PGS1: variants seen among roughly 807,000 people sequenced by gnomAD.
PGS1 encodes CDP-diacylglycerol--glycerol-3-phosphate 3-phosphatidyltransferase, mitochondrial.
PGS1 carries 44 observed loss-of-function variants against 58.3 expected under a neutral mutation model. That is an observed-to-expected ratio of 0.75 (90% CI 0.59 to 0.97). The LOEUF (loss-of-function observed/expected upper bound fraction) is 0.97, where lower values mean the gene tolerates loss of function less well. Ranked by LOEUF, PGS1 falls within the 50% of genes least tolerant of loss-of-function variation. PGS1 has a pLI of 0.00. For synonymous variants in PGS1, 330 were observed against 311.0 expected, an observed-to-expected ratio of 1.06 and a Z score of -0.64; for missense variants, 684 against 731.1, an observed-to-expected ratio of 0.94 and a Z score of 0.74.
Position 78,378,703 on chromosome 17 carries a change from T to A in PGS1, c.38T>A (p.Phe13Tyr). 3.3e-6 allele frequency: 5 copies of A among 1,523,512 alleles called. No individual in the cohort carries two copies. The highest frequency in any genetic ancestry group is 4.4e-6 in the Non-Finnish European group (5 of 1,142,038). 94.4% of individuals were successfully genotyped at this position (1,523,512 alleles called of 1,614,324 possible). A position where few individuals can be genotyped will look rare whatever the true frequency, so the allele number is the denominator to read the frequency against. ...GCGGCAGCTGCGGCGGGACCCGTGT[T>A]CTGGAGGCGACTGCTGGGCCTCCTG... ...VAAAAAAGPV[F>Y]WRRLLGLLPG... Residue 13 changes from phenylalanine (F) to tyrosine (Y), a missense_variant, in exon 1 of 10, where the codon TTC (phenylalanine) becomes TAC (tyrosine). Phe to Tyr is a conservative substitution (Grantham distance 22). Transcript: ENST00000262764.
At chr17:78,421,115 A>C (rs976548178) in intron 9 of PGS1, 7 of 152,210 alleles carry the variant, frequency 4.6e-5, no homozygotes, top group Non-Finnish European at 1.0e-4. Flanking sequence ...GGATCTACTT[A>C]AAACATTTTT....
intron 1 of PGS1, among the ~76,000 whole-genome samples, chr17:78,388,499 AATTTTTTTTTTTT>A (rs1408648657): frequency 7.0e-6 from 1 of 143,202 alleles, no homozygotes; most frequent in African/African-American, 2.8e-5. Context: ...ACGCCTGGCT[AATTTTTTTTTTTT>A]ATTTTTTATT....
At position 78,399,503 on chromosome 17, in the gene PGS1, G is replaced by A. The variant is rs1447259285; in HGVS notation, c.667G>A (p.Val223Met). ...GACCATCGGCCTCCAGCACATTAAG[G>A]TGTACCTCTTCGACAACAGCGTCAT... is the stretch of plus-strand genomic sequence containing the variant. ...NETIGLQHIK[V>M]YLFDNSVILS... Residue 223 changes from valine (V) to methionine (M), a missense_variant, in exon 5 of 10, where the codon GTG (valine) becomes ATG (methionine). By Grantham distance (21) the Val-to-Met change is conservative. Transcript: ENST00000262764. 1 of 1,614,184 alleles carries A rather than the reference G, an allele frequency of 6.2e-7. No homozygotes were observed. The highest frequency in any genetic ancestry group is 2.2e-5 in the East Asian group (1 of 44,888).
intron 1 of PGS1, among the ~76,000 whole-genome samples, chr17:78,387,659 G>T (rs555553266): frequency 5.3e-5 from 8 of 149,798 alleles, no homozygotes; most frequent in Non-Finnish European, 8.9e-5. Context: ...GAGTGCAGTG[G>T]CACAATCTTG....
At chr17:78,417,596 G>A (rs1231091467) in intron 8 of PGS1, among the ~76,000 whole-genome samples, 2 of 152,148 alleles carry the variant, frequency 1.3e-5, no homozygotes, top group Non-Finnish European at 2.9e-5. Flanking sequence ...GGAGTTGCCA[G>A]GGCTGTGTCC....
At chr17:78,389,796 A>C (rs895129990) in intron 1 of PGS1, among the ~76,000 whole-genome samples, 3 of 150,492 alleles carry the variant, frequency 2.0e-5, no homozygotes, top group African/African-American at 2.4e-5. Flanking sequence ...TTGTGTTTTT[A>C]GTAGAGACGG....
chr17:78,392,578 G>C lies in PGS1; in HGVS notation c.246G>C (p.Trp82Cys), dbSNP rs761547510. The C allele has an allele frequency of 3.7e-6, 6 of 1,614,010 alleles. No individual in the cohort carries two copies. Among genetic ancestry groups the C allele is most frequent in the Non-Finnish European group, 5.1e-6 (6 of 1,179,966 alleles). Residue 82 changes from tryptophan (W) to cysteine (C), a missense_variant, in exon 2 of 10, where the codon TGG (tryptophan) becomes TGC (cysteine). Trp to Cys is a radical substitution (Grantham distance 215, BLOSUM62 -2). Coordinates refer to ENST00000262764, the MANE Select transcript of PGS1 (RefSeq NM_024419.5). ...LCPEGVHRFQWIRNLVPEFGV... is the reference protein window; with the variant it reads ...LCPEGVHRFQCIRNLVPEFGV... ...CAGAAGGCGTGCACCGGTTCCAGTGGATCAGAAACCTGGTTCCAGAATTTG... is the reference window on the plus strand; with the variant it reads ...CAGAAGGCGTGCACCGGTTCCAGTGCATCAGAAACCTGGTTCCAGAATTTG...
At chr17:78,416,203 T>C (rs1191059488) in intron 8 of PGS1, among the ~76,000 whole-genome samples, 1 of 152,148 alleles carries the variant, frequency 6.6e-6, no homozygotes, top group African/African-American at 2.4e-5. Context: ...ATGGGTTTGC[T>C]CAGGTTTCTT....
chr17:78,423,708 A>C (rs1340221459), intron 9 of PGS1: 1 of 645,366 alleles, frequency 1.5e-6, no homozygotes, highest in South Asian at 1.9e-5. Context: ...GAGTGGCTCC[A>C]CTGGCTTTAA....
chr17:78,420,130 A>G, intron 9 of PGS1: 1 of 1,033,088 alleles, frequency 9.7e-7, no homozygotes, highest in South Asian at 3.4e-5. Context: ...GGCCGGCTGT[A>G]GTGCACAGGG....
chr17:78,397,663 G>T (rs572919727), intron 3 of PGS1, among the ~76,000 whole-genome samples: 26 of 152,094 alleles, frequency 1.7e-4, no homozygotes, highest in Admixed American at 5.2e-4. Flanking sequence ...TTAAACTCCT[G>T]ACCTTGGGTG....
intron 1 of PGS1, among the ~76,000 whole-genome samples, chr17:78,388,084 C>CT (rs1404268344): frequency 6.6e-6 from 1 of 152,220 alleles, no homozygotes; most frequent in Non-Finnish European, 1.5e-5. Flanking sequence ...CTTTCAGCTC[C>CT]TTTTCCTCTC....
chr17:78,410,282 A>C (rs2084528108), intron 7 of PGS1, among the ~76,000 whole-genome samples: 1 of 151,644 alleles, frequency 6.6e-6, no homozygotes, highest in Admixed American at 6.6e-5. Context: ...TACAAAAATT[A>C]GCTGGGCATG....
intron 7 of PGS1, among the ~76,000 whole-genome samples, chr17:78,410,747 C>A (rs984983916): frequency 6.6e-6 from 1 of 152,016 alleles, no homozygotes; most frequent in South Asian, 2.1e-4. Context: ...CCTGGGATTA[C>A]GGGGTTGAGC....
At chr17:78,415,662 G>A (rs1318606609) in intron 8 of PGS1, among the ~76,000 whole-genome samples, 1 of 152,154 alleles carries the variant, frequency 6.6e-6, no homozygotes, top group Non-Finnish European at 1.5e-5. Flanking sequence ...CAGTGGTTTC[G>A]GCCCTCGTTT....
chr17:78,390,331 A>C (rs7503405), intron 1 of PGS1, among the ~76,000 whole-genome samples: 2 of 95,336 alleles, frequency 2.1e-5, no homozygotes, highest in East Asian at 2.5e-4. Context: ...GGGGTGGGGG[A>C]GGAACAGCTG....
intron 7 of PGS1, among the ~76,000 whole-genome samples, chr17:78,407,398 G>A (rs2146261451): frequency 6.6e-6 from 1 of 152,354 alleles, no homozygotes; most frequent in Admixed American, 6.5e-5. Context: ...ACTTCCTCCA[G>A]GGCAGCGTGT....
intron 7 of PGS1, among the ~76,000 whole-genome samples, chr17:78,414,671 G>T (rs73998900): frequency 0.02 from 2,974 of 152,220 alleles, 82 homozygotes; most frequent in African/African-American, 0.066. Flanking sequence ...CTGAGGCTGC[G>T]CCCTGATCCT....
At position 78,379,313 on chromosome 17, in the gene PGS1, A is replaced by G. The variant is rs371685286; in HGVS notation, c.143+505A>G. Among the ~76,000 whole-genome samples the G allele has an allele frequency of 1.4e-3, 217 of 152,254 alleles. 2 individuals are homozygous for G. Among genetic ancestry groups the G allele is most frequent in the African/African-American group, 4.8e-3 (201 of 41,550 alleles). ...AGCGTTTCTCACATCCTGCCAGAAAAAGCTGTGAAGCAATCCTTAGTAACA... is the reference window on the plus strand; with the variant it reads ...AGCGTTTCTCACATCCTGCCAGAAAGAGCTGTGAAGCAATCCTTAGTAACA... On this transcript the variant is annotated intron_variant, in intron 1 of 9. Coordinates refer to ENST00000262764, the MANE Select transcript of PGS1 (RefSeq NM_024419.5).
Sources: allele counts gnomAD v4.1 joint callset (sites outside exome capture counted in the v4.1 genomes callset), GRCh38; gene constraint gnomAD v4.1.1; transcripts MANE v1.5; gene names NCBI Gene and HGNC (gene_info 2026-07-23, HGNC 2026-07-21).